TMEM53: variants seen among roughly 807,000 people sequenced by gnomAD.
TMEM53 encodes the protein novel DUF829 domain-containing protein.
TMEM53 carries 14 observed loss-of-function variants against 21.4 expected under a neutral mutation model. The ratio of observed to expected loss-of-function variants is 0.65; its 90% confidence interval spans 0.43 to 1.02. The LOEUF (loss-of-function observed/expected upper bound fraction) is 1.02, where lower values mean the gene tolerates loss of function less well. TMEM53 is among the 50% of genes least tolerant of loss of function. TMEM53 has a pLI of 0.00. For synonymous variants in TMEM53, 148 were observed against 157.4 expected (o/e 0.94, Z 0.45); for missense variants, 323 against 383.6 (o/e 0.84, Z 1.32).
chr1:44,666,868 A>T (rs1644953435), intron 1 of TMEM53, among the ~76,000 whole-genome samples: 1 of 151,918 alleles, frequency 6.6e-6, no homozygotes, highest in Non-Finnish European at 1.5e-5. Flanking sequence ...GTTTTGAGAC[A>T]GGGCCTCACT....
Position 44,660,282 on chromosome 1 carries a change from G to T in TMEM53, c.75C>A (p.Ser25Arg). The T allele has an allele frequency of 6.2e-7, 1 of 1,613,626 alleles. No homozygotes were observed. Among genetic ancestry groups the T allele is most frequent in the Non-Finnish European group, 8.5e-7 (1 of 1,179,890 alleles). Residue 25 changes from serine to arginine, a missense_variant, in exon 2 of 3, where the codon AGC (serine) becomes AGA (arginine). Physicochemically the swap from Ser to Arg is moderately radical, Grantham distance 110. This residue lies in a region of TMEM53 where 49 missense variants were observed against 32.9 expected (regional missense o/e 1.49). Transcript: ENST00000372237. ...QPCWSQKNSP[S>R]PGGKEAETRQ... Reference sequence around the variant, plus strand: ...GAGTTTCTGCCTCCTTCCCACCTGGGCTGGGGCTGTTCTCTGAAACACAGA... The same window carrying T: ...GAGTTTCTGCCTCCTTCCCACCTGGTCTGGGGCTGTTCTCTGAAACACAGA...
chr1:44,671,901 C>T (rs1238694900), intron 1 of TMEM53, among the ~76,000 whole-genome samples: 2 of 152,192 alleles, frequency 1.3e-5, no homozygotes, highest in Non-Finnish European at 2.9e-5. Context: ...TGCACTCCAG[C>T]CTGGGCGACA....
At chr1:44,670,187 C>A (rs1443492973) in intron 1 of TMEM53, among the ~76,000 whole-genome samples, 4 of 64,272 alleles carry the variant, frequency 6.2e-5, no homozygotes, top group African/African-American at 2.1e-4. Flanking sequence ...AAAAAAAAGA[C>A]CTTTGGGGTC....
chr1:44,666,354 G>T (rs1644948715), intron 1 of TMEM53, among the ~76,000 whole-genome samples: 1 of 152,200 alleles, frequency 6.6e-6, no homozygotes, highest in South Asian at 2.1e-4. Flanking sequence ...GTTACCACAT[G>T]ATCCCACAAT....
intron 2 of TMEM53, among the ~76,000 whole-genome samples, chr1:44,657,632 G>A (rs1413637922): frequency 6.6e-6 from 1 of 152,146 alleles, no homozygotes; most frequent in African/African-American, 2.4e-5. Flanking sequence ...CAACTTTCCA[G>A]GCTCAGGTGA....
chr1:44,654,927 G>T lies in TMEM53; in HGVS notation c.466C>A (p.Arg156=). The T allele has an allele frequency of 6.2e-7, 1 of 1,613,172 alleles. No individual in the cohort carries two copies. Residue 156 remains arginine (R), a synonymous_variant, in exon 3 of 3, where the codon CGG becomes AGG. Coordinates refer to ENST00000372237, the MANE Select transcript of TMEM53 (RefSeq NM_024587.4). The surrounding 1 kb of genome is among the most constrained non-coding windows in gnomAD (Gnocchi z 7.0). ...CGCTCCAGGATGGCTGCCAGGGCCC[G>T]CAGAGCCCCTACCAGGTTGCTGTCA... The part of the protein sequence containing the change: ...PGDSNLVGAL[R]ALAAILERRA...
chr1:44,655,565 C>T lies in TMEM53; in HGVS notation c.184-356G>A, dbSNP rs953482077. Among the ~76,000 whole-genome samples the T allele has an allele frequency of 2.0e-5, 3 of 152,110 alleles. No individual in the cohort carries two copies. The highest frequency in any genetic ancestry group is 7.2e-5 in the African/African-American group (3 of 41,416). On this transcript the variant is annotated intron_variant, in intron 2 of 2. Coordinates refer to ENST00000372237, the MANE Select transcript of TMEM53 (RefSeq NM_024587.4). The surrounding 1 kb of genome is among the most constrained non-coding windows in gnomAD (Gnocchi z 4.4). ...CTCTGGTTCCCTCCTGTCTGTGCCC[C>T]GCACTCCCATCCTAGGCCTTGCACA...
Position 44,654,943 on chromosome 1 carries a change from G to C in TMEM53, c.450C>G (p.Asn150Lys). Residue 150 changes from asparagine to lysine, a missense_variant, in exon 3 of 3, where the codon AAC becomes AAG. By Grantham distance (94) the Asn-to-Lys change is moderately conservative. Around this residue, in one of 3 missense-constraint regions of TMEM53, gnomAD observed 269 missense variants for 334.5 expected, o/e 0.80. Coordinates refer to ENST00000372237, the MANE Select transcript of TMEM53 (RefSeq NM_024587.4). The surrounding 1 kb of genome is among the most constrained non-coding windows in gnomAD (Gnocchi z 7.0). ...CCAGGGCCCGCAGAGCCCCTACCAG[G>C]TTGCTGTCACCAGGAGCGCTGTCAA... ...TIFDSAPGDS[N>K]LVGALRALAA... 6.2e-7 allele frequency: 1 copy of C among 1,613,784 alleles called. No homozygotes were observed. Among genetic ancestry groups the C allele is most frequent in the Non-Finnish European group, 8.5e-7 (1 of 1,179,918 alleles).
chr1:44,673,722 C>T, intron 1 of TMEM53: 1 of 531,152 alleles, frequency 1.9e-6, no homozygotes, highest in Non-Finnish European at 2.4e-6. Context: ...ATCCTTATCC[C>T]GGTTTTGCAG....
At chr1:44,656,544 C>T (rs1402745065) in intron 2 of TMEM53, among the ~76,000 whole-genome samples, 2 of 152,178 alleles carry the variant, frequency 1.3e-5, no homozygotes, top group African/African-American at 4.8e-5. Flanking sequence ...CTCCCAAATG[C>T]TCAAATCTGA....
Position 44,654,632 on chromosome 1 carries a change from C to G in TMEM53, c.761G>C (p.Ser254Thr). The change falls in exon 3 of 3, where the codon AGC (serine) becomes ACC (threonine). Residue 254 changes from serine (S) to threonine (T), a missense_variant. Around this residue, in one of 3 missense-constraint regions of TMEM53, gnomAD observed 269 missense variants for 334.5 expected, o/e 0.80. Transcript: ENST00000372237. The surrounding 1 kb of genome is among the most constrained non-coding windows in gnomAD (Gnocchi z 7.0). ...SVDFVSSAHV[S>T]HLRDYPTYYT... ...GTAAGTAGGGTAGTCACGGAGGTGG[C>G]TGACGTGTGCAGATGACACGAAATC... 1 of 1,613,978 alleles carries G rather than the reference C, an allele frequency of 6.2e-7. No homozygotes were observed. The highest frequency in any genetic ancestry group is 8.5e-7 in the Non-Finnish European group (1 of 1,179,998).
chr1:44,672,445 G>C (rs1422195077), intron 1 of TMEM53, among the ~76,000 whole-genome samples: 1 of 152,192 alleles, frequency 6.6e-6, no homozygotes, highest in Non-Finnish European at 1.5e-5. Context: ...TCACTTCTGA[G>C]TGGCCAACAA....
At chr1:44,666,223 T>A (rs1644947597) in intron 1 of TMEM53, among the ~76,000 whole-genome samples, 1 of 152,196 alleles carries the variant, frequency 6.6e-6, no homozygotes, top group Admixed American at 6.5e-5. Context: ...AAAAGTCAGA[T>A]AATAAACAAG....
chr1:44,665,934 A>G (rs1050305890), intron 1 of TMEM53, among the ~76,000 whole-genome samples: 1 of 152,188 alleles, frequency 6.6e-6, no homozygotes, highest in Non-Finnish European at 1.5e-5. Flanking sequence ...AGTGAAAAAA[A>G]GAAAAACCCC....
chr1:44,674,398 G>T lies in TMEM53; in HGVS notation c.-7C>A. The T allele has an allele frequency of 2.5e-6, 4 of 1,610,476 alleles. No homozygotes were observed. The highest frequency in any genetic ancestry group is 3.4e-6 in the Non-Finnish European group (4 of 1,178,186). On this transcript the variant is annotated 5_prime_UTR_variant, in exon 1 of 3. Coordinates refer to ENST00000372237, the MANE Select transcript of TMEM53 (RefSeq NM_024587.4). ...CCAGCTCTGCCGAGGCCATGGTGAA[G>T]GCGCCGGCCCAGAGCACGGGTCTCC...
chr1:44,668,358 G>A (rs1348421772), intron 1 of TMEM53, among the ~76,000 whole-genome samples: 7 of 151,974 alleles, frequency 4.6e-5, no homozygotes, highest in East Asian at 1.9e-4. Flanking sequence ...AGAGAATGGC[G>A]TGAACCCAGA....
intron 2 of TMEM53, among the ~76,000 whole-genome samples, chr1:44,656,009 G>T (rs907516910): frequency 1.9e-4 from 29 of 152,084 alleles, no homozygotes; most frequent in African/African-American, 6.8e-4. Context: ...TCTCCACACA[G>T]GTCCCCTTCT....
chr1:44,659,125 G>A (rs889741232), intron 2 of TMEM53, among the ~76,000 whole-genome samples: 3 of 152,206 alleles, frequency 2.0e-5, no homozygotes, highest in Non-Finnish European at 2.9e-5. Flanking sequence ...CTCGGAGGTC[G>A]GGGAGAGACT....
chr1:44,664,917 A>G (rs1023645723), intron 1 of TMEM53, among the ~76,000 whole-genome samples: 1 of 152,064 alleles, frequency 6.6e-6, no homozygotes, highest in Non-Finnish European at 1.5e-5. Context: ...TATCCGGACC[A>G]GCGTGCTCTA....
Sources: allele counts gnomAD v4.1 joint callset (sites outside exome capture counted in the v4.1 genomes callset), GRCh38; gene constraint gnomAD v4.1.1; regional missense constraint gnomAD v4.1.1; non-coding constraint Gnocchi (gnomAD v3.1); transcripts MANE v1.5; gene names NCBI Gene and HGNC (gene_info 2026-07-23, HGNC 2026-07-21).